Variants in NR1D2 observed in about 807,000 individuals in gnomAD.
NR1D2 encodes nuclear receptor subfamily 1 group D member 2, also known as V-erbA-related protein 1-related.
Under a neutral mutation model 52.2 loss-of-function variants are expected in NR1D2, and 25 were observed. The ratio of observed to expected loss-of-function variants is 0.48; its 90% CI spans 0.35 to 0.67. The LOEUF is 0.67. Ranked by LOEUF, NR1D2 falls within the 30% of genes least tolerant of loss-of-function variation. NR1D2 has a pLI of 0.01. For synonymous variants in NR1D2, 259 were observed against 230.1 expected (o/e 1.13, Z -1.14); for missense variants, 681 against 707.2 (o/e 0.96, Z 0.42).
Position 23,968,021 on chromosome 3 carries a change from CA to C in NR1D2, c.1542del (p.Asp515IlefsTer5). 1 of 1,613,624 alleles carries C rather than the reference CA, an allele frequency of 6.2e-7. No individual in the cohort carries two copies. The highest frequency in any genetic ancestry group is 8.5e-7 in the Non-Finnish European group (1 of 1,179,546). On this transcript the variant is annotated frameshift_variant and splice_region_variant, in exon 7 of 8. Transcript: ENST00000312521. LOFTEE classifies it high-confidence loss of function. ...TTTACAGCTGTTGTCCTGGTATCTG[CA>C]GGTAAGCAAGCTGGTTCAAAATTGT... Reference protein sequence around the residue: ...SLFTAVVLVSADRSGIENVNS... With the variant: ...SLFTAVVLVSXDRSGIENVNS...
At chr3:23,953,823 C>T (rs771807854) in intron 1 of NR1D2, among the ~76,000 whole-genome samples, 8 of 152,158 alleles carry the variant, frequency 5.3e-5, no homozygotes, top group African/African-American at 9.7e-5. Flanking sequence ...TGTCAGATAA[C>T]TATAACAGGA....
intron 7 of NR1D2, among the ~76,000 whole-genome samples, chr3:23,971,923 GTACT>G (rs1224495424): frequency 6.6e-6 from 1 of 152,166 alleles, no homozygotes; most frequent in African/African-American, 2.4e-5. Context: ...TATGTAAATA[GTACT>G]TACAGTGTTC....
At chr3:23,967,663 G>C (rs372583853) in intron 6 of NR1D2, 150 bp from the exon 7 acceptor site, 1 of 612,084 alleles carries the variant, frequency 1.6e-6, no homozygotes. Flanking sequence ...GAATAGAATA[G>C]AGTGGTTTTG....
chr3:23,964,964 T>C lies in NR1D2; in HGVS notation c.1147-13T>C. On this transcript the variant is annotated splice_polypyrimidine_tract_variant and intron_variant, in intron 5 of 7. Transcript: ENST00000312521. ...CTTAGTATTTAAGAGTTTTTCCGTT[T>C]TATGTATACTAGGTTTGTCCAATGA... 6.4e-7 allele frequency: 1 copy of C among 1,568,076 alleles called. No individual in the cohort carries two copies. Among genetic ancestry groups the C allele is most frequent in the Non-Finnish European group, 8.7e-7 (1 of 1,154,164 alleles).
chr3:23,980,463 A>G lies in NR1D2; in HGVS notation c.*3044A>G, dbSNP rs1358701671. On this transcript the variant is annotated 3_prime_UTR_variant, in exon 8 of 8. Transcript: ENST00000312521. Reference sequence around the variant, plus strand: ...ACTAACATGGAAAAATGAAATGGCTATTGTTTAAAAAAATGATAGAAATAC... The same window carrying G: ...ACTAACATGGAAAAATGAAATGGCTGTTGTTTAAAAAAATGATAGAAATAC... 2.6e-5 allele frequency: 4 copies of G among 152,128 alleles called. No homozygotes were observed. The highest frequency in any genetic ancestry group is 1.9e-4 in the East Asian group (1 of 5,196). The allele number at this position is 152,128 out of a possible 1,614,324, so 9.4% of individuals were successfully genotyped here.
chr3:23,977,125 C>A (rs1706749567), intron 7 of NR1D2, 98 bp from the exon 8 acceptor site: 22 of 655,606 alleles, frequency 3.4e-5, no homozygotes, highest in Non-Finnish European at 4.6e-5. Flanking sequence ...ACCTTGCTTT[C>A]TATTCGTTAG....
At chr3:23,965,492 C>T (rs1340135542) in intron 6 of NR1D2, among the ~76,000 whole-genome samples, 1 of 151,324 alleles carries the variant, frequency 6.6e-6, no homozygotes, top group Non-Finnish European at 1.5e-5. Context: ...AAGCGATCTG[C>T]CCACTTTGGC....
chr3:23,966,285 G>A (rs1706448865), intron 6 of NR1D2, among the ~76,000 whole-genome samples: 1 of 152,186 alleles, frequency 6.6e-6, no homozygotes, highest in South Asian at 2.1e-4. Context: ...CGGAGGGAGT[G>A]AGATAACTAA....
intron 7 of NR1D2, among the ~76,000 whole-genome samples, chr3:23,976,036 G>A (rs1211890756): frequency 1.3e-5 from 2 of 152,092 alleles, no homozygotes; most frequent in African/African-American, 4.8e-5. Context: ...GAATATTTTT[G>A]TATACTCCTG....
intron 4 of NR1D2, among the ~76,000 whole-genome samples, chr3:23,960,269 G>A (rs1661184154): frequency 6.6e-6 from 1 of 152,110 alleles, no homozygotes; most frequent in African/African-American, 2.4e-5. Flanking sequence ...GCTGAGCGTG[G>A]TGGCATGCAC....
intron 3 of NR1D2, among the ~76,000 whole-genome samples, chr3:23,959,127 G>A (rs1266336788): frequency 6.6e-6 from 1 of 152,094 alleles, no homozygotes; most frequent in African/African-American, 2.4e-5. Flanking sequence ...AATTAGCTGG[G>A]TGTGGTGGCG....
chr3:23,945,774 C>T (rs1480232165), intron 1 of NR1D2, among the ~76,000 whole-genome samples, 180 bp downstream of exon 1: 1 of 150,450 alleles, frequency 6.6e-6, no homozygotes, highest in Non-Finnish European at 1.5e-5. Flanking sequence ...CCGGCGCCCG[C>T]CCTCTTGTCT....
chr3:23,976,818 C>T (rs1370990224), intron 7 of NR1D2, among the ~76,000 whole-genome samples: 1 of 152,190 alleles, frequency 6.6e-6, no homozygotes, highest in Non-Finnish European at 1.5e-5. Context: ...ATTTTAGGGG[C>T]TGCCTACCAC....
At chr3:23,961,662 C>G (rs986540076) in intron 4 of NR1D2, among the ~76,000 whole-genome samples, 4 of 152,042 alleles carry the variant, frequency 2.6e-5, no homozygotes, top group Non-Finnish European at 4.4e-5. Flanking sequence ...TCCCAAAGTG[C>G]TGTGATTAGA....
intron 1 of NR1D2, among the ~76,000 whole-genome samples, chr3:23,951,640 C>A (rs1705936321): frequency 6.6e-6 from 1 of 152,212 alleles, no homozygotes; most frequent in South Asian, 2.1e-4. Flanking sequence ...TAATGATATT[C>A]TGGCGGTTGT....
At chr3:23,962,642 G>A (rs771730523) in intron 5 of NR1D2, 37 bp downstream of exon 5, 7 of 1,529,382 alleles carry the variant, frequency 4.6e-6, no homozygotes, top group Non-Finnish European at 6.1e-6. Flanking sequence ...CATTGTATCA[G>A]GGAAAGCTTT....
At chr3:23,964,956 T>C in intron 5 of NR1D2, 21 bp from the exon 6 acceptor site, 1 of 1,534,946 alleles carries the variant, frequency 6.5e-7, no homozygotes, top group Non-Finnish European at 8.9e-7. Context: ...TTTAAGAGTT[T>C]TTCCGTTTTA....
intron 1 of NR1D2, among the ~76,000 whole-genome samples, chr3:23,949,026 C>T (rs1057358065): frequency 6.6e-6 from 1 of 152,184 alleles, no homozygotes; most frequent in Non-Finnish European, 1.5e-5. Flanking sequence ...GACCTCCCTT[C>T]TCCAGTAATT....
At chr3:23,963,020 T>G (rs1391312163) in intron 5 of NR1D2, among the ~76,000 whole-genome samples, 1 of 152,144 alleles carries the variant, frequency 6.6e-6, no homozygotes, top group Non-Finnish European at 1.5e-5. Flanking sequence ...AAGAGGTTTT[T>G]TTTTTTTTTA....
Sources: allele counts gnomAD v4.1 joint callset (sites outside exome capture counted in the v4.1 genomes callset), GRCh38; gene constraint gnomAD v4.1.1; transcripts MANE v1.5; gene names NCBI Gene and HGNC (gene_info 2026-07-23, HGNC 2026-07-21).